The following LMF1 variants were observed in gnomAD, a reference collection of about 807,000 sequenced individuals.
LMF1 encodes the protein transmembrane protein 112.
LMF1 carries 68 observed loss-of-function variants against 60.6 expected under a neutral mutation model. The observed-to-expected ratio is 1.12, with a 90% CI of 0.92 to 1.37. The LOEUF is 1.37. Among genes scored for constraint, LMF1 ranks in the 40% most tolerant of loss-of-function variants. LMF1 has a pLI of 0.00. For missense variants in LMF1, 948 were observed against 767.2 expected, an observed-to-expected ratio of 1.24 and a Z score of -2.78; for synonymous variants, 418 against 324.7, an observed-to-expected ratio of 1.29 and a Z score of -3.09.
At chr16:889,707 G>A (rs117708249) in intron 5 of LMF1, among the ~76,000 whole-genome samples, 34 of 152,312 alleles carry the variant, frequency 2.2e-4, no homozygotes, top group East Asian at 7.7e-4. Flanking sequence ...CAGAGGGCAC[G>A]GCTCGGGGGT....
chr16:927,319 G>A (rs2071638918), intron 3 of LMF1, among the ~76,000 whole-genome samples: 1 of 152,228 alleles, frequency 6.6e-6, no homozygotes, highest in Non-Finnish European at 1.5e-5. Context: ...CAGGACCACA[G>A]TCATTCACGC....
In LMF1 at chr16:887,731, G is replaced by A. The variant is rs922960406; in HGVS notation, c.729+5276C>T. On this transcript the variant is annotated intron_variant, in intron 5 of 10. Transcript: ENST00000262301. ...GCACCTCAGGGTGAGCAGGGTGGTC[G>A]CAGGTACCCTGGAAGGCATGGCCGT... is the stretch of plus-strand genomic sequence containing the variant. Among the ~76,000 whole-genome samples, 7 of 152,190 alleles carry A rather than the reference G, an allele frequency of 4.6e-5. 1 individual carries two copies. Among genetic ancestry groups the A allele is most frequent in the Admixed American group, 2.0e-4 (3 of 15,292 alleles).
At chr16:971,650 C>T (rs2073053325), upstream of LMF1, among the ~76,000 whole-genome samples, 1 of 152,156 alleles carries the variant, frequency 6.6e-6, no homozygotes, top group African/African-American at 2.4e-5. Context: ...TGCCCAATGC[C>T]CCAAACAGAA....
At chr16:978,438 C>T (rs990202961) in intron 1 of LMF1, among the ~76,000 whole-genome samples, 14 of 152,134 alleles carry the variant, frequency 9.2e-5, no homozygotes, top group Admixed American at 9.2e-4. Context: ...CATCTGGAAG[C>T]ATCCCCCAGG....
At position 878,290 on chromosome 16, in the gene LMF1, A is replaced by C. The variant is rs1450442638; in HGVS notation, c.897+1280T>G. Reference sequence around the variant, plus strand: ...GATTCACGGCGACATCGATGCCCACAGGGAAATCACCTGATGGGCACCGGT... The same window carrying C: ...GATTCACGGCGACATCGATGCCCACCGGGAAATCACCTGATGGGCACCGGT... On this transcript the variant is annotated intron_variant, in intron 6 of 10. Transcript: ENST00000262301. This position sits in a 1 kb window ranked among gnomAD's most constrained non-coding sequence, Gnocchi z 5.2. Among the ~76,000 whole-genome samples the C allele has an allele frequency of 6.6e-6, 1 of 152,108 alleles. No individual in the cohort carries two copies. Among genetic ancestry groups the C allele is most frequent in the East Asian group, 1.9e-4 (1 of 5,174 alleles).
At chr16:917,197 C>T (rs2071301618) in intron 3 of LMF1, among the ~76,000 whole-genome samples, 1 of 152,268 alleles carries the variant, frequency 6.6e-6, no homozygotes, top group African/African-American at 2.4e-5. Context: ...ACCACCATCT[C>T]ACCTCCCCCA....
upstream of LMF1, among the ~76,000 whole-genome samples, chr16:974,838 C>T (rs1296862665): frequency 6.6e-6 from 1 of 152,242 alleles, no homozygotes; most frequent in Non-Finnish European, 1.5e-5. Flanking sequence ...CTCTGGCACC[C>T]GCAGGAAGCC....
chr16:954,793 G>T (rs1187319486), intron 1 of LMF1, 127 bp from the exon 2 acceptor site: 4 of 840,192 alleles, frequency 4.8e-6, no homozygotes, highest in South Asian at 1.8e-5. Flanking sequence ...ACGGTTTGGG[G>T]CCAAACCCTA....
chr16:899,832 CCT>C (rs1433560556), intron 4 of LMF1: 1 of 152,280 alleles, frequency 6.6e-6, no homozygotes, highest in Non-Finnish European at 1.5e-5. Flanking sequence ...CTGTTGAGCC[CCT>C]GGCACCTTCC....
In LMF1 at chr16:869,918, G is replaced by T; in HGVS notation, c.1381C>A (p.Arg461Ser). Residue 461 changes from arginine (R) to serine (S), a missense_variant, in exon 9 of 11, where the codon CGC (arginine) becomes AGC (serine). Arg to Ser is a moderately radical substitution (Grantham distance 110). Transcript: ENST00000262301. ...GCGAACCACATCAGCCAGTCCAGGC[G>T]GTAGTGGTACGGGGAGATGAGGCAG... ...RPCLISPYHY[R>S]LDWLMWFAAF... The T allele has an allele frequency of 6.2e-7, 1 of 1,613,164 alleles. No homozygotes were observed. Among genetic ancestry groups the T allele is most frequent in the Non-Finnish European group, 8.5e-7 (1 of 1,179,846 alleles).
At position 869,935 on chromosome 16, in the gene LMF1, A is replaced by G. The variant is rs575350994; in HGVS notation, c.1364T>C (p.Ile455Thr). 19 of 1,613,294 alleles carry G rather than the reference A, an allele frequency of 1.2e-5. No individual in the cohort carries two copies. The South Asian group carries it at 1.9e-4, about 16-fold the overall frequency. ...GTCCAGGCGGTAGTGGTACGGGGAG[A>G]TGAGGCAGGGCCGTCTGCTGGGGTC... is the stretch of plus-strand genomic sequence containing the variant. ...PGDPSRRPCLISPYHYRLDWL... is the reference protein window; with the variant it reads ...PGDPSRRPCLTSPYHYRLDWL... The change falls in exon 9 of 11, where the codon ATC (isoleucine) becomes ACC (threonine). Residue 455 changes from isoleucine (I) to threonine (T), a missense_variant. Coordinates refer to ENST00000262301, the MANE Select transcript of LMF1 (RefSeq NM_022773.4).
upstream of LMF1, chr16:971,098 CG>C: frequency 9.3e-7 from 1 of 1,076,570 alleles, no homozygotes; most frequent in Non-Finnish European, 1.2e-6. Context: ...ACCCACACCC[CG>C]GGAGGCCCCG....
At chr16:857,947 T>A (rs868024722) in intron 10 of LMF1, among the ~76,000 whole-genome samples, 120 of 13,890 alleles carry the variant, frequency 8.6e-3, no homozygotes, top group Non-Finnish European at 9.4e-3. Flanking sequence ...GCGTGGTGTC[T>A]CGGGATGGGT....
chr16:869,933 A>C lies in LMF1; in HGVS notation c.1366T>G (p.Ser456Ala). Residue 456 changes from serine (S) to alanine (A), a missense_variant, in exon 9 of 11, where the codon TCC becomes GCC. By Grantham distance (99) the Ser-to-Ala change is moderately conservative. Coordinates refer to ENST00000262301, the MANE Select transcript of LMF1 (RefSeq NM_022773.4). Reference protein sequence around the residue: ...GDPSRRPCLISPYHYRLDWLM... With the variant: ...GDPSRRPCLIAPYHYRLDWLM... ...CAGTCCAGGCGGTAGTGGTACGGGGAGATGAGGCAGGGCCGTCTGCTGGGG... is the reference window on the plus strand; with the variant it reads ...CAGTCCAGGCGGTAGTGGTACGGGGCGATGAGGCAGGGCCGTCTGCTGGGG... 6.2e-7 allele frequency: 1 copy of C among 1,613,200 alleles called. No homozygotes were observed. The highest frequency in any genetic ancestry group is 8.5e-7 in the Non-Finnish European group (1 of 1,179,834).
intron 3 of LMF1, among the ~76,000 whole-genome samples, chr16:916,584 C>G (rs1007054221): frequency 6.6e-6 from 1 of 152,186 alleles, no homozygotes; most frequent in Non-Finnish European, 1.5e-5. Flanking sequence ...TCTCGCTGCG[C>G]GCCAGTGGCG....
At chr16:865,665 C>T (rs186761275) in intron 10 of LMF1, among the ~76,000 whole-genome samples, 5 of 152,234 alleles carry the variant, frequency 3.3e-5, no homozygotes, top group South Asian at 2.1e-4. Flanking sequence ...TTTATTGACT[C>T]GGTAGGTTTG....
At position 886,545 on chromosome 16, in the gene LMF1, A is replaced by G. The variant is rs12921453; in HGVS notation, c.729+6462T>C. Among the ~76,000 whole-genome samples the G allele has an allele frequency of 5.1e-3, 356 of 70,128 alleles. 2 individuals carry two copies. The highest frequency in any genetic ancestry group is 0.012 in the Middle Eastern group (2 of 166). 46.0% of individuals were successfully genotyped at this position (70,128 alleles called of 152,430 possible). On this transcript the variant is annotated intron_variant, in intron 5 of 10. Coordinates refer to ENST00000262301, the MANE Select transcript of LMF1 (RefSeq NM_022773.4). ...GCCCCTCCCACCCGAGACCCCCGAC[A>G]TTCCCCAGGCCCCTCCCACCCTAGG...
rs559148440 is a variant in LMF1 at position 939,663 on chromosome 16, G to A, written c.504-5409C>T. Among the ~76,000 whole-genome samples, 75 of 152,374 alleles carry A rather than the reference G, an allele frequency of 4.9e-4. 2 individuals carry two copies. In the South Asian group the frequency reaches 0.015, roughly 30 times the overall value. The stretch of plus-strand genomic sequence containing the variant: ...TCTGCCTCTGTCAGGAGCAGTACAT[G>A]CTGACCAAAGCTGCTGTAAGACAAC... On this transcript the variant is annotated intron_variant, in intron 2 of 10. Coordinates refer to ENST00000262301, the MANE Select transcript of LMF1 (RefSeq NM_022773.4).
intron 2 of LMF1, among the ~76,000 whole-genome samples, chr16:937,979 G>T (rs925238895): frequency 6.6e-6 from 1 of 151,904 alleles, no homozygotes; most frequent in Non-Finnish European, 1.5e-5. Flanking sequence ...CCACCATCAA[G>T]ACTGAAGTCT....
Sources: gnomAD v4.1 joint callset for allele counts (sites outside exome capture counted in the v4.1 genomes callset) on GRCh38, gnomAD v4.1.1 for gene constraint, Gnocchi (gnomAD v3.1) non-coding constraint, MANE v1.5 for transcripts, NCBI Gene and HGNC (gene_info 2026-07-23, HGNC 2026-07-21) for gene names.